The following TNPO1 variants were observed in gnomAD, a reference collection of about 807,000 sequenced individuals.
The protein encoded by TNPO1 is transportin 1.
In TNPO1, 8 loss-of-function variants were observed where a neutral mutation model predicts 119.5. That is an observed-to-expected ratio of 0.07 (90% CI 0.04 to 0.12). The LOEUF is 0.12. Among genes scored for constraint, TNPO1 ranks in the 10% least tolerant of loss-of-function variants. The pLI is 1.00. For synonymous variants in TNPO1, 362 were observed against 363.0 expected (o/e 1.00, Z 0.03); for missense variants, 576 against 1,089.8 (o/e 0.53, Z 6.64).
chr5:72,840,236 A>C (rs1744849956), intron 1 of TNPO1, among the ~76,000 whole-genome samples: 1 of 152,082 alleles, frequency 6.6e-6, no homozygotes, highest in Non-Finnish European at 1.5e-5. Flanking sequence ...TGGGCTCTGG[A>C]GTTGGGTGCA....
intron 24 of TNPO1, chr5:72,905,657 G>C: frequency 4.0e-6 from 1 of 252,988 alleles, no homozygotes; most frequent in East Asian, 7.9e-5. Context: ...CACTTGGGGA[G>C]GCCAAGGTGG....
chr5:72,859,742 A>G (rs1023708823), intron 4 of TNPO1, among the ~76,000 whole-genome samples: 3 of 152,216 alleles, frequency 2.0e-5, no homozygotes, highest in Non-Finnish European at 4.4e-5. Context: ...AGATTTCTAT[A>G]GGATTAATTT....
chr5:72,897,147 T>C lies in TNPO1; in HGVS notation c.2334T>C (p.Asn778=), dbSNP rs751815495. 3.1e-6 allele frequency: 5 copies of C among 1,603,568 alleles called. No homozygotes were observed. The highest frequency in any genetic ancestry group is 4.3e-6 in the Non-Finnish European group (5 of 1,175,520). The change falls in exon 20 of 25, where the codon AAT becomes AAC. Residue 778 remains asparagine, a synonymous_variant. Transcript: ENST00000337273. ...RPNTPKTLLE[N]TAITIGRLGY... ...ACACACCAAAGACGTTGTTAGAGAA[T>C]ACAGGTACCATATGACTGAACTGTT...
In TNPO1 at chr5:72,848,365, G is replaced by A; in HGVS notation, c.16-20G>A. ...AGTAACAGTTGCTCCGTCTCTTCCTGTGTCTGGCTTTATTTGCAGCAAACC... is the reference window on the plus strand; with the variant it reads ...AGTAACAGTTGCTCCGTCTCTTCCTATGTCTGGCTTTATTTGCAGCAAACC... On this transcript the variant is annotated intron_variant, in intron 1 of 24. Transcript: ENST00000337273. The A allele has an allele frequency of 6.2e-7, 1 of 1,607,572 alleles. No homozygotes were observed. The highest frequency in any genetic ancestry group is 1.1e-5 in the South Asian group (1 of 90,632).
chr5:72,888,459 G>A (rs376000576), intron 13 of TNPO1, among the ~76,000 whole-genome samples, 156 bp downstream of exon 13: 1 of 152,050 alleles, frequency 6.6e-6, no homozygotes, highest in Non-Finnish European at 1.5e-5. Context: ...TTTCTTCTTG[G>A]TGAAGTGTTT....
chr5:72,841,117 CTCT>C lies in TNPO1; in HGVS notation c.16-7266_16-7264del, dbSNP rs1220177219. Among the ~76,000 whole-genome samples the C allele has an allele frequency of 8.1e-5, 9 of 111,376 alleles. No individual in the cohort carries two copies. In the East Asian group the frequency reaches 2.3e-3, roughly 28 times the overall value. 73.1% of individuals were successfully genotyped at this position (111,376 alleles called of 152,430 possible). ...CATAACCTCTGGTTTTAGACTCTCTCTCTTTTTTTTTTTTTTTTTGGAGACCGA... is the reference window on the plus strand; with the variant it reads ...CATAACCTCTGGTTTTAGACTCTCTCTTTTTTTTTTTTTTTTGGAGACCGA... On this transcript the variant is annotated intron_variant, in intron 1 of 24. Transcript: ENST00000337273.
At chr5:72,848,203 T>G in intron 1 of TNPO1, 182 bp from the exon 2 acceptor site, 3 of 1,243,832 alleles carry the variant, frequency 2.4e-6, no homozygotes, top group Non-Finnish European at 3.0e-6. Flanking sequence ...CCAGGAGCAG[T>G]TCCGCCGGGT....
chr5:72,821,144 T>C (rs1175283583), intron 1 of TNPO1, among the ~76,000 whole-genome samples: 1 of 152,128 alleles, frequency 6.6e-6, no homozygotes, highest in East Asian at 1.9e-4. Context: ...ATAAGGAGAA[T>C]AGAACTGCCT....
chr5:72,837,135 C>G (rs1160784844), intron 1 of TNPO1, among the ~76,000 whole-genome samples: 2 of 152,124 alleles, frequency 1.3e-5, no homozygotes, highest in Non-Finnish European at 2.9e-5. Flanking sequence ...ATAGTAGCAC[C>G]CCACTTCTTG....
chr5:72,823,207 G>T (rs1322796412), intron 1 of TNPO1, among the ~76,000 whole-genome samples: 2 of 151,974 alleles, frequency 1.3e-5, no homozygotes, highest in East Asian at 3.9e-4. Context: ...TATCTGTCAT[G>T]AGTCTTCTTA....
At chr5:72,844,471 G>A (rs1745042026) in intron 1 of TNPO1, among the ~76,000 whole-genome samples, 1 of 152,148 alleles carries the variant, frequency 6.6e-6, no homozygotes, top group African/African-American at 2.4e-5. Flanking sequence ...AGATGATGGA[G>A]CATAAAGTTG....
In TNPO1 at chr5:72,893,525, A is replaced by C; in HGVS notation, c.2045A>C (p.Gln682Pro). The change falls in exon 17 of 25, where the codon CAG becomes CCG. Residue 682 changes from glutamine to proline, a missense_variant. Physicochemically the swap from Gln to Pro is moderately conservative, Grantham distance 76. Around this residue, in one of 6 missense-constraint regions of TNPO1, gnomAD observed 162 missense variants for 294.1 expected, o/e 0.55. Transcript: ENST00000337273. Reference sequence around the variant, plus strand: ...AGTAACATCCTGACACTAATGTATCAGTGCATGCAGGTGAGACTTGAAAGG... The same window carrying C: ...AGTAACATCCTGACACTAATGTATCCGTGCATGCAGGTGAGACTTGAAAGG... ...ARSNILTLMY[Q>P]CMQDKMPEVR... The C allele has an allele frequency of 6.2e-7, 1 of 1,614,232 alleles. No homozygotes were observed. Among genetic ancestry groups the C allele is most frequent in the Non-Finnish European group, 8.5e-7 (1 of 1,180,040 alleles).
chr5:72,907,038 A>C (rs1471763831), intron 24 of TNPO1, among the ~76,000 whole-genome samples: 1 of 152,156 alleles, frequency 6.6e-6, no homozygotes, highest in Non-Finnish European at 1.5e-5. Flanking sequence ...TTAAATCTGG[A>C]AAGATTTCAC....
chr5:72,816,665 C>T lies in TNPO1; in HGVS notation c.-73C>T. 1 of 1,480,824 alleles carries T rather than the reference C, an allele frequency of 6.8e-7. No individual in the cohort carries two copies. The highest frequency in any genetic ancestry group is 9.0e-7 in the Non-Finnish European group (1 of 1,109,240). 91.7% of individuals were successfully genotyped at this position (1,480,824 alleles called of 1,614,324 possible). A position where few individuals can be genotyped will look rare whatever the true frequency, so the allele number is the denominator to read the frequency against. ...GGTGAAGCCCAGATTCTCTTTGTTC[C>T]GCAGCCATTTCAGGCCCCGGACAGG... On this transcript the variant is annotated 5_prime_UTR_variant, in exon 1 of 25. Coordinates refer to ENST00000337273, the MANE Select transcript of TNPO1 (RefSeq NM_002270.4).
intron 9 of TNPO1, chr5:72,878,860 T>C: frequency 2.1e-6 from 1 of 468,276 alleles, no homozygotes; most frequent in South Asian, 1.7e-5. Flanking sequence ...TATTGACTTT[T>C]CGTTAGTTTA....
At chr5:72,893,726 T>A (rs765645970) in intron 18 of TNPO1, 23 bp downstream of exon 18, 3 of 1,594,876 alleles carry the variant, frequency 1.9e-6, no homozygotes, top group South Asian at 2.3e-5. Context: ...TCTACTGCTA[T>A]GAATATGGTT....
chr5:72,899,917 G>GT lies in TNPO1; in HGVS notation c.2339-83dup, dbSNP rs1400540083. 2.7e-5 allele frequency: 28 copies of GT among 1,038,000 alleles called. No individual in the cohort carries two copies. In the South Asian group the frequency reaches 3.1e-4, roughly 11 times the overall value. The allele number at this position is 1,038,000 out of a possible 1,614,324, so 64.3% of individuals were successfully genotyped here. ...GGTTTCTGTTTCTGAGTTATTTGTT[G>GT]TTTTTTCTTTATTTTTTCTCCTTCC... On this transcript the variant is annotated intron_variant, in intron 20 of 24. Coordinates refer to ENST00000337273, the MANE Select transcript of TNPO1 (RefSeq NM_002270.4).
intron 6 of TNPO1, among the ~76,000 whole-genome samples, chr5:72,868,646 A>C (rs1747139280): frequency 6.6e-6 from 1 of 151,904 alleles, no homozygotes; most frequent in African/African-American, 2.4e-5. Context: ...TGGGCCCTCT[A>C]TTTTATTCTA....
At chr5:72,838,151 C>T (rs1744764094) in intron 1 of TNPO1, among the ~76,000 whole-genome samples, 1 of 152,148 alleles carries the variant, frequency 6.6e-6, no homozygotes, top group Non-Finnish European at 1.5e-5. Context: ...TTTTCTCATT[C>T]AGCCCTTACC....
Sources: allele counts gnomAD v4.1 joint callset (sites outside exome capture counted in the v4.1 genomes callset), GRCh38; gene constraint gnomAD v4.1.1; regional missense constraint gnomAD v4.1.1; transcripts MANE v1.5; gene names NCBI Gene and HGNC (gene_info 2026-07-23, HGNC 2026-07-21).